Variants in PRKAG1 observed in about 807,000 individuals in gnomAD.
The protein encoded by PRKAG1 is 5'-AMP-activated protein kinase subunit gamma-1.
A neutral mutation model predicts 48.2 loss-of-function variants in PRKAG1; 27 were observed. The ratio of observed to expected loss-of-function variants is 0.56; its 90% CI spans 0.41 to 0.77. The LOEUF (loss-of-function observed/expected upper bound fraction) is 0.77. Ranked by LOEUF, PRKAG1 falls within the 30% of genes least tolerant of loss-of-function variation. The pLI, the probability that PRKAG1 is intolerant of heterozygous loss-of-function variation, is 0.00. For synonymous variants in PRKAG1, 130 were observed against 147.7 expected (o/e 0.88, Z 0.87); for missense variants, 287 against 398.3 (o/e 0.72, Z 2.38).
At chr12:49,012,300 C>T (rs1565738938) in intron 2 of PRKAG1, among the ~76,000 whole-genome samples, 1 of 152,186 alleles carries the variant, frequency 6.6e-6, no homozygotes, top group South Asian at 2.1e-4. Context: ...AACTGTCTTC[C>T]CTGTGCTCTG....
intron 2 of PRKAG1, chr12:49,012,830 C>T: frequency 1.9e-6 from 1 of 519,720 alleles, no homozygotes; most frequent in Non-Finnish European, 3.5e-6. Context: ...GCCTGTACCT[C>T]AGATGTTTCT....
chr12:49,016,341 G>A (rs1941967907), intron 1 of PRKAG1, among the ~76,000 whole-genome samples: 1 of 152,184 alleles, frequency 6.6e-6, no homozygotes, highest in Non-Finnish European at 1.5e-5. Context: ...AAATAGACTC[G>A]CAATTTCTTC....
intron 10 of PRKAG1, 40 bp downstream of exon 10, chr12:49,003,518 C>CCCCCCGG: frequency 6.3e-7 from 1 of 1,598,494 alleles, no homozygotes; most frequent in Non-Finnish European, 8.5e-7. Context: ...GCCCCCCCCC[C>CCCCCCGG]ACCACTTCCC....
intron 2 of PRKAG1, among the ~76,000 whole-genome samples, chr12:49,011,219 ATG>A (rs1373780685): frequency 6.6e-6 from 1 of 152,188 alleles, no homozygotes; most frequent in Non-Finnish European, 1.5e-5. Context: ...TCCCAAGAAC[ATG>A]TCTTTGGACA....
In PRKAG1 at chr12:49,006,705, C is replaced by CA. The variant is rs1407294659; in HGVS notation, c.59-854dup. On this transcript the variant is annotated intron_variant, in intron 2 of 11. Coordinates refer to ENST00000548065, the MANE Select transcript of PRKAG1 (RefSeq NM_002733.5). ...TACATTGAGGCTGGGCGTGGTGGCT[C>CA]ATGCCTGTAATCCCAGAACTTTGGG... 3.3e-5 allele frequency among the ~76,000 whole-genome samples: 5 copies of CA among 152,342 alleles called. No homozygotes were observed. The South Asian group carries it at 1.0e-3, about 32-fold the overall frequency.
rs199910078 is a variant in PRKAG1 at position 49,005,810 on chromosome 12, T to C, written c.101A>G (p.Lys34Arg). 6 of 1,613,760 alleles carry C rather than the reference T, an allele frequency of 3.7e-6. No individual in the cohort carries two copies. The highest frequency in any genetic ancestry group is 5.1e-6 in the Non-Finnish European group (6 of 1,179,810). ...SNNSVYTSFM[K>R]SHRCYDLIPT... ...AATCAGGTCATAGCAGCGATGAGAC[T>C]TCATGAAGGAAGTATACACGCTATT... The change falls in exon 3 of 12, where the codon AAG becomes AGG. Residue 34 changes from lysine (K) to arginine (R), a missense_variant. Physicochemically the swap from Lys to Arg is conservative, Grantham distance 26. Around this residue, in one of 2 missense-constraint regions of PRKAG1, gnomAD observed 63 missense variants for 54.0 expected, o/e 1.17. Coordinates refer to ENST00000548065, the MANE Select transcript of PRKAG1 (RefSeq NM_002733.5). The surrounding 1 kb of genome is among the most constrained non-coding windows in gnomAD (Gnocchi z 4.1).
chr12:49,005,662 T>C lies in PRKAG1; in HGVS notation c.168+81A>G. ...GACTAACTTCACAGAAGGATAAGGA[T>C]ATTACCCTTAGGATGAGATAGGATG... On this transcript the variant is annotated intron_variant, in intron 3 of 11. Transcript: ENST00000548065. This position sits in a 1 kb window ranked among gnomAD's most constrained non-coding sequence, Gnocchi z 4.1. 6.2e-7 allele frequency: 1 copy of C among 1,607,048 alleles called. No individual in the cohort carries two copies. The highest frequency in any genetic ancestry group is 1.3e-5 in the African/African-American group (1 of 74,832).
chr12:49,008,784 G>C (rs961940907), intron 2 of PRKAG1, among the ~76,000 whole-genome samples: 1 of 152,152 alleles, frequency 6.6e-6, no homozygotes. Flanking sequence ...TGGTGTTGTT[G>C]AGAGTCCAAG....
intron 2 of PRKAG1, among the ~76,000 whole-genome samples, chr12:49,010,849 T>TC (rs1464718057): frequency 7.2e-6 from 1 of 139,662 alleles, no homozygotes; most frequent in East Asian, 2.0e-4. Context: ...ATGTACCACC[T>TC]TTTTTTTTTT....
intron 2 of PRKAG1, among the ~76,000 whole-genome samples, chr12:49,010,206 G>C (rs1941701307): frequency 2.0e-5 from 3 of 152,130 alleles, no homozygotes; most frequent in Non-Finnish European, 4.4e-5. Flanking sequence ...TAGATGTTTG[G>C]TAATCCCTAG....
chr12:49,002,534 AG>A lies in PRKAG1; in HGVS notation c.*364del. ...AAGAATTTTGTTGTGCTATTATCTT[AG>A]GGTTGAATCAGGGCCAAGATGGAGG... On this transcript the variant is annotated 3_prime_UTR_variant, in exon 12 of 12. Transcript: ENST00000548065. 1 of 373,148 alleles carries A rather than the reference AG, an allele frequency of 2.7e-6. No homozygotes were observed. 23.1% of individuals were successfully genotyped at this position (373,148 alleles called of 1,614,324 possible).
chr12:49,014,810 C>T (rs569001634), intron 1 of PRKAG1, among the ~76,000 whole-genome samples: 1 of 152,352 alleles, frequency 6.6e-6, no homozygotes, highest in African/African-American at 2.4e-5. Flanking sequence ...TCTGTGCTCC[C>T]TCAAGTGGGA....
In PRKAG1 at chr12:49,005,382, G is replaced by A; in HGVS notation, c.251-18C>T. On this transcript the variant is annotated intron_variant, in intron 4 of 11. Coordinates refer to ENST00000548065, the MANE Select transcript of PRKAG1 (RefSeq NM_002733.5). This position sits in a 1 kb window ranked among gnomAD's most constrained non-coding sequence, Gnocchi z 4.1. ...CAGCATGCCTAGAGGACAAGACAGA[G>A]CCCTCAGCACTGCCTGAAGCTTGTC... is the stretch of plus-strand genomic sequence containing the variant. 1 of 1,614,064 alleles carries A rather than the reference G, an allele frequency of 6.2e-7. No individual in the cohort carries two copies. The highest frequency in any genetic ancestry group is 8.5e-7 in the Non-Finnish European group (1 of 1,180,032).
rs1376617123 is a variant in PRKAG1, at chr12:49,003,296, G to A, written c.742-6C>T. ...GTCTTTTCTGCTGCCAGATTCTGGGGAGACAGAGGAAGGAGCTTGCAGGGA... is the reference window on the plus strand; with the variant it reads ...GTCTTTTCTGCTGCCAGATTCTGGGAAGACAGAGGAAGGAGCTTGCAGGGA... On this transcript the variant is annotated splice_region_variant and splice_polypyrimidine_tract_variant and intron_variant, in intron 10 of 11. Transcript: ENST00000548065. 3 of 1,613,858 alleles carry A rather than the reference G, an allele frequency of 1.9e-6. No individual in the cohort carries two copies. Among genetic ancestry groups the A allele is most frequent in the Non-Finnish European group, 2.5e-6 (3 of 1,180,020 alleles).
In PRKAG1 at chr12:49,002,846, G is replaced by A. The variant is rs200327947; in HGVS notation, c.*53C>T. ...TCATCTGATTCCCACAGAGCTTCCA[G>A]CAGGCAGTGAGTTGGGCATATCCCC... is the stretch of plus-strand genomic sequence containing the variant. On this transcript the variant is annotated 3_prime_UTR_variant, in exon 12 of 12. Coordinates refer to ENST00000548065, the MANE Select transcript of PRKAG1 (RefSeq NM_002733.5). The A allele has an allele frequency of 2.0e-6, 3 of 1,503,956 alleles. No homozygotes were observed. Among genetic ancestry groups the A allele is most frequent in the South Asian group, 1.1e-5 (1 of 87,876 alleles). The allele number at this position is 1,503,956 out of a possible 1,614,324, so 93.2% of individuals were successfully genotyped here. A position where few individuals can be genotyped will look rare whatever the true frequency, so the allele number is the denominator to read the frequency against.
chr12:49,008,188 A>G (rs1941619455), intron 2 of PRKAG1, among the ~76,000 whole-genome samples: 1 of 152,140 alleles, frequency 6.6e-6, no homozygotes, highest in South Asian at 2.1e-4. Flanking sequence ...CTGAATATTT[A>G]TTATTCAGAG....
In PRKAG1 at chr12:49,005,134, A is replaced by G; in HGVS notation, c.341T>C (p.Ile114Thr). 6.2e-7 allele frequency: 1 copy of G among 1,614,102 alleles called. No homozygotes were observed. The highest frequency in any genetic ancestry group is 8.5e-7 in the Non-Finnish European group (1 of 1,180,014). The change falls in exon 6 of 12, where the codon ATA (isoleucine) becomes ACA (threonine). Residue 114 changes from isoleucine to threonine, a missense_variant. Physicochemically the swap from Ile to Thr is moderately conservative, Grantham distance 89. Transcript: ENST00000548065. The surrounding 1 kb of genome is among the most constrained non-coding windows in gnomAD (Gnocchi z 4.1). Reference protein sequence around the residue: ...VQIYELEEHKIETWREVYLQD... With the variant: ...VQIYELEEHKTETWREVYLQD... ...TCTCTACATACCTCTCCAAGTTTCTATCTTGTGTTCTTCTAGCTCATAGAT... is the reference window on the plus strand; with the variant it reads ...TCTCTACATACCTCTCCAAGTTTCTGTCTTGTGTTCTTCTAGCTCATAGAT...
chr12:49,015,577 T>G (rs530870360), intron 1 of PRKAG1, among the ~76,000 whole-genome samples: 22 of 152,132 alleles, frequency 1.4e-4, no homozygotes, highest in Non-Finnish European at 3.2e-4. Context: ...TATGTGACTT[T>G]TTTTTTGGGC....
rs1565729895 is a variant in PRKAG1 at position 49,002,630 on chromosome 12, C to CA, written c.*268dup. 1 of 524,220 alleles carries CA rather than the reference C, an allele frequency of 1.9e-6. No individual in the cohort carries two copies. Among genetic ancestry groups the CA allele is most frequent in the East Asian group, 3.6e-5 (1 of 27,750 alleles). 32.5% of individuals were successfully genotyped at this position (524,220 alleles called of 1,614,324 possible). ...TCTGAGAGGCACAGAGCCTATAGTTCACCCAGAAAGGGGGATATATCTAAG... is the reference window on the plus strand; with the variant it reads ...TCTGAGAGGCACAGAGCCTATAGTTCAACCCAGAAAGGGGGATATATCTAAG... On this transcript the variant is annotated 3_prime_UTR_variant, in exon 12 of 12. Transcript: ENST00000548065.
Sources: allele counts gnomAD v4.1 joint callset (sites outside exome capture counted in the v4.1 genomes callset), GRCh38; gene constraint gnomAD v4.1.1; regional missense constraint gnomAD v4.1.1; non-coding constraint Gnocchi (gnomAD v3.1); transcripts MANE v1.5; gene names NCBI Gene and HGNC (gene_info 2026-07-23, HGNC 2026-07-21).